Variants in CCDC192 observed in about 807,000 individuals in gnomAD.
The protein encoded by CCDC192 is coiled-coil domain-containing protein 192.
At chr5:127,926,498 T>C (rs1753865303) in intron 6 of CCDC192, among the ~76,000 whole-genome samples, 1 of 152,190 alleles carries the variant, frequency 6.6e-6, no homozygotes, top group Non-Finnish European at 1.5e-5. Context: ...GTGAAGGAAG[T>C]TGCAGGAGCA....
At chr5:127,798,499 A>G (rs1187690350) in intron 5 of CCDC192, among the ~76,000 whole-genome samples, 1 of 152,108 alleles carries the variant, frequency 6.6e-6, no homozygotes, top group East Asian at 1.9e-4. Context: ...GTAATTATTG[A>G]CCCATCAGAT....
At chr5:127,853,132 CTT>C (rs1456585773) in intron 5 of CCDC192, among the ~76,000 whole-genome samples, 11 of 152,178 alleles carry the variant, frequency 7.2e-5, no homozygotes, top group South Asian at 6.2e-4. Context: ...GAGTCTGAAT[CTT>C]TGCACCAACC....
At position 127,913,608 on chromosome 5, in the gene CCDC192, A is replaced by G. The variant is rs549003020; in HGVS notation, c.536-27574A>G. ...CAAGTCTATTTGAAAATTTTAAAAC[A>G]TATGAAAAGACATTTAGAATCCCTG... On this transcript the variant is annotated intron_variant, in intron 6 of 6. Coordinates refer to ENST00000514853, the MANE Select transcript of CCDC192 (RefSeq NM_001317938.2). Among the ~76,000 whole-genome samples, 6 of 152,360 alleles carry G rather than the reference A, an allele frequency of 3.9e-5. No homozygotes were observed. In the South Asian group the frequency reaches 1.2e-3, roughly 32 times the overall value.
intron 6 of CCDC192, among the ~76,000 whole-genome samples, chr5:127,933,024 G>A (rs1299048327): frequency 1.3e-5 from 2 of 152,184 alleles, no homozygotes; most frequent in African/African-American, 4.8e-5. Flanking sequence ...ATACAATTGT[G>A]CAGGCAGAGG....
intron 5 of CCDC192, among the ~76,000 whole-genome samples, chr5:127,800,376 GAAAAAAAAAA>G (rs1168212422): frequency 1.5e-4 from 3 of 19,512 alleles, no homozygotes; most frequent in African/African-American, 2.4e-4. Flanking sequence ...GAGGTATTCT[GAAAAAAAAAA>G]AAAAAAAAAA....
chr5:127,868,159 C>G (rs915619015), intron 5 of CCDC192, among the ~76,000 whole-genome samples: 1 of 152,036 alleles, frequency 6.6e-6, no homozygotes, highest in East Asian at 1.9e-4. Flanking sequence ...TAAGTGAAGG[C>G]TGCCTGCCAA....
intron 3 of CCDC192, among the ~76,000 whole-genome samples, chr5:127,765,788 A>AAC (rs1208026213): frequency 6.6e-6 from 1 of 152,224 alleles, no homozygotes; most frequent in African/African-American, 2.4e-5. Context: ...TCTATCACTG[A>AAC]ACAGAAAATG....
At chr5:127,752,147 G>A (rs966514011) in intron 2 of CCDC192, among the ~76,000 whole-genome samples, 20 of 152,274 alleles carry the variant, frequency 1.3e-4, no homozygotes, top group South Asian at 6.2e-4. Context: ...GCTTTGTTCC[G>A]TTGCTGGTGA....
chr5:127,765,142 G>T (rs1362109008), intron 3 of CCDC192, among the ~76,000 whole-genome samples: 2 of 152,150 alleles, frequency 1.3e-5, no homozygotes, highest in African/African-American at 2.4e-5. Context: ...AAAGTTAAAA[G>T]ATTTGGATAA....
At chr5:127,897,587 T>A (rs144326387) in intron 6 of CCDC192, among the ~76,000 whole-genome samples, 84 of 152,338 alleles carry the variant, frequency 5.5e-4, no homozygotes, top group East Asian at 3.7e-3. Context: ...TATTATTCAA[T>A]GGAAAAGAAT....
intron 2 of CCDC192, among the ~76,000 whole-genome samples, chr5:127,731,809 G>A (rs917780632): frequency 6.6e-6 from 1 of 152,164 alleles, no homozygotes; most frequent in Non-Finnish European, 1.5e-5. Flanking sequence ...GCCATATGCA[G>A]AAAATTGAAA....
intron 3 of CCDC192, among the ~76,000 whole-genome samples, chr5:127,759,896 CT>C (rs1754817040): frequency 6.6e-6 from 1 of 152,084 alleles, no homozygotes; most frequent in Non-Finnish European, 1.5e-5. Context: ...CTTGTCTTTC[CT>C]TTCTGCTTCA....
At chr5:127,711,891 A>T (rs1751355557) in intron 2 of CCDC192, among the ~76,000 whole-genome samples, 1 of 151,962 alleles carries the variant, frequency 6.6e-6, no homozygotes, top group Non-Finnish European at 1.5e-5. Flanking sequence ...TCTCTCTTTC[A>T]GCTTTACTAA....
chr5:127,887,706 A>ATT (rs201453082), intron 6 of CCDC192, among the ~76,000 whole-genome samples: 2 of 140,552 alleles, frequency 1.4e-5, no homozygotes, highest in African/African-American at 5.2e-5. Context: ...TTTATTAACT[A>ATT]TTTTTTTTTT....
At chr5:127,739,515 G>A (rs998044728) in intron 2 of CCDC192, 2 of 161,724 alleles carry the variant, frequency 1.2e-5, no homozygotes, top group Non-Finnish European at 2.6e-5. Context: ...AATGGTGGGC[G>A]CCCCTCCCCC....
intron 5 of CCDC192, among the ~76,000 whole-genome samples, chr5:127,809,327 A>G (rs1354844363): frequency 6.6e-6 from 1 of 152,226 alleles, no homozygotes; most frequent in African/African-American, 2.4e-5. Flanking sequence ...TAGAATACAC[A>G]TATGTGAGTT....
At chr5:127,816,903 G>A (rs1280156997) in intron 5 of CCDC192, among the ~76,000 whole-genome samples, 1 of 152,170 alleles carries the variant, frequency 6.6e-6, no homozygotes. Context: ...ATCAAGGCAA[G>A]TTCAACTGTA....
chr5:127,817,086 G>A (rs1749058640), intron 5 of CCDC192, among the ~76,000 whole-genome samples: 2 of 152,198 alleles, frequency 1.3e-5, no homozygotes. Flanking sequence ...TTGATTGGAT[G>A]CTGTGATAGT....
At chr5:127,862,114 T>C (rs1751395759) in intron 5 of CCDC192, among the ~76,000 whole-genome samples, 1 of 152,202 alleles carries the variant, frequency 6.6e-6, no homozygotes, top group Non-Finnish European at 1.5e-5. Context: ...TATTTCTTCA[T>C]ATCTACGCTA....
Sources: gnomAD v4.1 joint callset for allele counts (sites outside exome capture counted in the v4.1 genomes callset) on GRCh38, gnomAD v4.1.1 for gene constraint, MANE v1.5 for transcripts, NCBI Gene and HGNC (gene_info 2026-07-23, HGNC 2026-07-21) for gene names.